Variants in NHLRC2 observed in about 807,000 individuals in gnomAD.
The protein encoded by NHLRC2 is NHL repeat-containing protein 2.
In NHLRC2, 33 loss-of-function variants were observed where a neutral mutation model predicts 68.1. That is an observed-to-expected ratio of 0.48 (90% CI 0.37 to 0.65). The LOEUF is 0.65. NHLRC2 is among the 30% of genes least tolerant of loss of function. NHLRC2 has a pLI of 0.00. For missense variants in NHLRC2, 761 were observed against 853.8 expected (o/e 0.89, Z 1.35); for synonymous variants, 311 against 309.6 (o/e 1.00, Z -0.05).
In NHLRC2 at chr10:113,889,402, T is replaced by C. The variant is rs140108764; in HGVS notation, c.1039+5022T>C. Among the ~76,000 whole-genome samples, 291 of 152,232 alleles carry C rather than the reference T, an allele frequency of 1.9e-3. 2 individuals are homozygous for C. Among genetic ancestry groups the C allele is most frequent in the African/African-American group, 6.8e-3 (281 of 41,542 alleles). On this transcript the variant is annotated intron_variant, in intron 5 of 10. Transcript: ENST00000369301. ...ATGATATAAAATACCATGAAAATAT[T>C]TTTGCTTTAAAAAAATCAGATGACA...
intron 10 of NHLRC2, among the ~76,000 whole-genome samples, chr10:113,906,993 TAATA>T (rs1022870713): frequency 1.3e-5 from 2 of 151,978 alleles, no homozygotes; most frequent in African/African-American, 2.4e-5. Flanking sequence ...TCTCAAAAAA[TAATA>T]AATAAAATAT....
At chr10:113,858,758 G>A in intron 2 of NHLRC2, 78 bp downstream of exon 2, 1 of 984,738 alleles carries the variant, frequency 1.0e-6, no homozygotes, top group Admixed American at 2.3e-5. Context: ...TTAGCTCATA[G>A]GAGAATGAAC....
intron 5 of NHLRC2, among the ~76,000 whole-genome samples, chr10:113,885,590 ATCGTATTT>A (rs1846074202): frequency 6.6e-6 from 1 of 151,956 alleles, no homozygotes; most frequent in African/African-American, 2.4e-5. Context: ...TTTTTGCTAA[ATCGTATTT>A]TAGTATGATG....
chr10:113,875,837 A>G (rs989538922), intron 2 of NHLRC2, among the ~76,000 whole-genome samples: 3 of 150,582 alleles, frequency 2.0e-5, no homozygotes, highest in Admixed American at 6.6e-5. Context: ...GGGAGATTTG[A>G]ATGTTACTTA....
At chr10:113,899,612 G>A (rs1846210760) in intron 6 of NHLRC2, among the ~76,000 whole-genome samples, 1 of 152,160 alleles carries the variant, frequency 6.6e-6, no homozygotes, top group Non-Finnish European at 1.5e-5. Context: ...GTGTGCAAAA[G>A]GAATCGCTGC....
rs758960552 is a variant in NHLRC2, at chr10:113,904,986, G to C, written c.1874G>C (p.Gly625Ala). 1 of 1,552,096 alleles carries C rather than the reference G, an allele frequency of 6.4e-7. No individual in the cohort carries two copies. Among genetic ancestry groups the C allele is most frequent in the Non-Finnish European group, 8.7e-7 (1 of 1,153,814 alleles). ...QFKLRLDLPS[G>A]SKLTEGVSSC... Reference sequence around the variant, plus strand: ...AAACTCAGATTAGACCTCCCATCAGGATCAAAGCTAACTGAAGGAGTATCC... The same window carrying C: ...AAACTCAGATTAGACCTCCCATCAGCATCAAAGCTAACTGAAGGAGTATCC... Residue 625 changes from glycine (G) to alanine (A), a missense_variant, in exon 10 of 11, where the codon GGA (glycine) becomes GCA (alanine). Physicochemically the swap from Gly to Ala is moderately conservative, Grantham distance 60. Coordinates refer to ENST00000369301, the MANE Select transcript of NHLRC2 (RefSeq NM_198514.4).
rs527375805 is a variant in NHLRC2, at chr10:113,895,756, A to G, written c.1040-2354A>G. Among the ~76,000 whole-genome samples the G allele has an allele frequency of 2.6e-5, 4 of 152,278 alleles. No individual in the cohort carries two copies. The East Asian group carries it at 7.7e-4, about 29-fold the overall frequency. On this transcript the variant is annotated intron_variant, in intron 5 of 10. Coordinates refer to ENST00000369301, the MANE Select transcript of NHLRC2 (RefSeq NM_198514.4). ...ATTAGAAAGTGATGTAGCTACTACA[A>G]TTCAAATCCAGACCCACCTGGTTCC...
In NHLRC2 at chr10:113,902,600, C is replaced by G; in HGVS notation, c.1494+7C>G. 6.3e-7 allele frequency: 1 copy of G among 1,597,714 alleles called. No individual in the cohort carries two copies. The highest frequency in any genetic ancestry group is 1.1e-5 in the South Asian group (1 of 87,762). ...AGACTCCTACAATCACAAGGTGAGT[C>G]GTGACAGAATTATATAATATCTTGC... On this transcript the variant is annotated splice_region_variant and intron_variant, in intron 8 of 10. Transcript: ENST00000369301.
Position 113,902,600 on chromosome 10 carries a change from C to A in NHLRC2, c.1494+7C>A. On this transcript the variant is annotated splice_region_variant and intron_variant, in intron 8 of 10. Coordinates refer to ENST00000369301, the MANE Select transcript of NHLRC2 (RefSeq NM_198514.4). ...AGACTCCTACAATCACAAGGTGAGT[C>A]GTGACAGAATTATATAATATCTTGC... The A allele has an allele frequency of 6.3e-7, 1 of 1,597,710 alleles. No homozygotes were observed. Among genetic ancestry groups the A allele is most frequent in the South Asian group, 1.1e-5 (1 of 87,758 alleles).
intron 5 of NHLRC2, among the ~76,000 whole-genome samples, chr10:113,886,960 G>A (rs1846088327): frequency 6.6e-6 from 1 of 152,136 alleles, no homozygotes; most frequent in Non-Finnish European, 1.5e-5. Flanking sequence ...GAAAATATCT[G>A]CAAACCATAT....
Position 113,903,612 on chromosome 10 carries a change from C to G in NHLRC2, c.1580C>G (p.Thr527Arg), listed in dbSNP as rs925710826. Residue 527 changes from threonine (T) to arginine (R), a missense_variant, in exon 9 of 11, where the codon ACA (threonine) becomes AGA (arginine). Physicochemically the swap from Thr to Arg is moderately conservative, Grantham distance 71 (BLOSUM62 -1). Coordinates refer to ENST00000369301, the MANE Select transcript of NHLRC2 (RefSeq NM_198514.4). Reference protein sequence around the residue: ...DTNNVTSSSFTESTFNEPGGL... With the variant: ...DTNNVTSSSFRESTFNEPGGL... ...AATAATGTTACCAGTTCCAGTTTTACAGAGTCAACTTTTAATGAACCAGGA... is the reference window on the plus strand; with the variant it reads ...AATAATGTTACCAGTTCCAGTTTTAGAGAGTCAACTTTTAATGAACCAGGA... 1 of 1,610,968 alleles carries G rather than the reference C, an allele frequency of 6.2e-7. No homozygotes were observed. Among genetic ancestry groups the G allele is most frequent in the African/African-American group, 1.3e-5 (1 of 74,960 alleles).
Position 113,860,574 on chromosome 10 carries a change from T to C in NHLRC2, c.331+1894T>C, listed in dbSNP as rs190296723. Among the ~76,000 whole-genome samples, 10 of 151,810 alleles carry C rather than the reference T, an allele frequency of 6.6e-5. No homozygotes were observed. The East Asian group carries it at 1.9e-3, about 29-fold the overall frequency. On this transcript the variant is annotated intron_variant, in intron 2 of 10. Transcript: ENST00000369301. ...CATTCAAAGGAAAAAAATAAACCGA[T>C]AGAAATTGTCTCTAAAAAATACCTG...
intron 10 of NHLRC2, 68 bp from the exon 11 acceptor site, chr10:113,908,212 C>T (rs1589550665): frequency 1.6e-6 from 2 of 1,219,744 alleles, no homozygotes; most frequent in South Asian, 2.7e-5. Context: ...TTTATCTAGT[C>T]TTCATAAGAT....
At chr10:113,903,873 A>G (rs1317641678) in intron 9 of NHLRC2, 137 bp downstream of exon 9, 14 of 619,732 alleles carry the variant, frequency 2.3e-5, no homozygotes, top group African/African-American at 3.8e-5. Flanking sequence ...GTATTCTTTG[A>G]CAAAGAGACC....
intron 4 of NHLRC2, among the ~76,000 whole-genome samples, chr10:113,881,176 A>T (rs1169471944): frequency 6.6e-6 from 1 of 151,848 alleles, no homozygotes; most frequent in African/African-American, 2.4e-5. Flanking sequence ...CTAATGGTGT[A>T]TTGAATTAGT....
intron 5 of NHLRC2, among the ~76,000 whole-genome samples, chr10:113,892,354 A>T (rs564363005): frequency 6.6e-6 from 1 of 152,178 alleles, no homozygotes; most frequent in Non-Finnish European, 1.5e-5. Flanking sequence ...GTTTTAAAAA[A>T]TTTTTAATTT....
chr10:113,896,803 G>A (rs11599749), intron 5 of NHLRC2, among the ~76,000 whole-genome samples: 4,189 of 152,064 alleles, frequency 0.028, 90 homozygotes, highest in Middle Eastern at 0.065. Flanking sequence ...GACCATCCTG[G>A]CTAACACAGT....
At chr10:113,890,459 G>C (rs1846120814) in intron 5 of NHLRC2, among the ~76,000 whole-genome samples, 1 of 151,994 alleles carries the variant, frequency 6.6e-6, no homozygotes, top group East Asian at 1.9e-4. Context: ...TCAGCAGTTT[G>C]ATATATCTAA....
intron 5 of NHLRC2, among the ~76,000 whole-genome samples, chr10:113,885,884 T>G (rs907920131): frequency 6.6e-6 from 1 of 151,970 alleles, no homozygotes; most frequent in South Asian, 2.1e-4. Context: ...TGGTTCCTTA[T>G]GGGAAGAGGA....
Sources: allele counts gnomAD v4.1 joint callset (sites outside exome capture counted in the v4.1 genomes callset), GRCh38; gene constraint gnomAD v4.1.1; transcripts MANE v1.5; gene names NCBI Gene and HGNC (gene_info 2026-07-23, HGNC 2026-07-21).